Variants in SLC9A9 observed in about 807,000 individuals in gnomAD.
The protein encoded by SLC9A9 is solute carrier family 9 member A9.
In SLC9A9, 62 loss-of-function variants were observed where a neutral mutation model predicts 77.8. The ratio of observed to expected loss-of-function variants is 0.80; its 90% confidence interval spans 0.65 to 0.98. The LOEUF is 0.98. Ranked by LOEUF, SLC9A9 falls within the 50% of genes least tolerant of loss-of-function variation. The probability of loss-of-function intolerance (pLI) is 0.00; values close to 1 mark genes in which losing one functional copy is unlikely to be tolerated. For synonymous variants in SLC9A9, 320 were observed against 283.5 expected (o/e 1.13, Z -1.29); for missense variants, 775 against 774.9 (o/e 1.00, Z 0.00).
intron 8 of SLC9A9, among the ~76,000 whole-genome samples, chr3:143,564,987 T>C (rs1015883808): frequency 1.3e-5 from 2 of 152,160 alleles, no homozygotes; most frequent in African/African-American, 4.8e-5. Context: ...TTGGTGTTCA[T>C]TAGGCTTACC....
At chr3:143,352,711 A>T (rs2032493160) in intron 14 of SLC9A9, among the ~76,000 whole-genome samples, 1 of 152,224 alleles carries the variant, frequency 6.6e-6, no homozygotes, top group South Asian at 2.1e-4. Context: ...TAACTCATTT[A>T]TATTGGGAAC....
intron 5 of SLC9A9, among the ~76,000 whole-genome samples, chr3:143,653,789 A>G (rs897890312): frequency 2.8e-4 from 43 of 152,094 alleles, no homozygotes; most frequent in African/African-American, 1.0e-3. Context: ...CATGCTCCCA[A>G]ACTCTTACAT....
At chr3:143,293,730 C>T (rs895597517) in intron 14 of SLC9A9, among the ~76,000 whole-genome samples, 1 of 152,112 alleles carries the variant, frequency 6.6e-6, no homozygotes. Flanking sequence ...TCTTGAATAA[C>T]GTGACACTCA....
chr3:143,299,483 G>A (rs1236200918), intron 14 of SLC9A9, among the ~76,000 whole-genome samples: 3 of 151,004 alleles, frequency 2.0e-5, no homozygotes, highest in African/African-American at 4.9e-5. Context: ...TTGCTCTGTC[G>A]CCCAGGTTGG....
intron 11 of SLC9A9, among the ~76,000 whole-genome samples, chr3:143,479,521 GGGATTATA>G (rs2035539086): frequency 6.6e-6 from 1 of 152,174 alleles, no homozygotes. Flanking sequence ...CTGAAGTGCT[GGGATTATA>G]GGTGTGAGCC....
In SLC9A9 at chr3:143,574,071, C is replaced by T; in HGVS notation, c.1000+17G>A. 13 of 1,603,534 alleles carry T rather than the reference C, an allele frequency of 8.1e-6. No individual in the cohort carries two copies. Among genetic ancestry groups the T allele is most frequent in the Non-Finnish European group, 1.1e-5 (13 of 1,171,046 alleles). On this transcript the variant is annotated intron_variant, in intron 8 of 15. Coordinates refer to ENST00000316549, the MANE Select transcript of SLC9A9 (RefSeq NM_173653.4). ...ATATTCACACATCCAGTTGGCTGTG[C>T]AGCATGAAGCACTGACCTGTTAGGC... is the stretch of plus-strand genomic sequence containing the variant.
chr3:143,658,191 C>T (rs114455487), intron 5 of SLC9A9, among the ~76,000 whole-genome samples: 15 of 152,316 alleles, frequency 9.8e-5, no homozygotes, highest in Non-Finnish European at 1.6e-4. Flanking sequence ...TTGATAGATA[C>T]ACCTCACATA....
chr3:143,405,940 T>C (rs966602674), intron 12 of SLC9A9, among the ~76,000 whole-genome samples: 2 of 152,250 alleles, frequency 1.3e-5, no homozygotes, highest in Non-Finnish European at 2.9e-5. Context: ...TTAAACGTTT[T>C]ATTTTATAAT....
At chr3:143,361,119 C>T (rs942727825) in intron 14 of SLC9A9, among the ~76,000 whole-genome samples, 2 of 152,242 alleles carry the variant, frequency 1.3e-5, no homozygotes, top group South Asian at 4.1e-4. Context: ...AAACCAATTC[C>T]TTGAAATAAA....
At chr3:143,531,781 A>T (rs2036513652) in intron 9 of SLC9A9, among the ~76,000 whole-genome samples, 1 of 152,230 alleles carries the variant, frequency 6.6e-6, no homozygotes, top group Non-Finnish European at 1.5e-5. Flanking sequence ...AGTAAACAGA[A>T]ATAAACTTAC....
At chr3:143,794,925 C>A (rs1303756271) in intron 4 of SLC9A9, 76 bp downstream of exon 4, 45 of 1,310,656 alleles carry the variant, frequency 3.4e-5, no homozygotes, top group Non-Finnish European at 4.9e-5. Flanking sequence ...CAGCAAGAAT[C>A]CTGGAAGTGT....
intron 9 of SLC9A9, among the ~76,000 whole-genome samples, chr3:143,544,452 C>T (rs930277610): frequency 6.6e-6 from 1 of 152,100 alleles, no homozygotes; most frequent in Non-Finnish European, 1.5e-5. Flanking sequence ...TGGTCTCGAT[C>T]TCCTGACCTC....
intron 15 of SLC9A9, among the ~76,000 whole-genome samples, chr3:143,268,471 T>C (rs533438688): frequency 5.9e-5 from 9 of 152,256 alleles, no homozygotes; most frequent in Admixed American, 5.9e-4. Flanking sequence ...CGGTGGCTCA[T>C]GCCTGTAATC....
chr3:143,816,174 C>G (rs1353533976), intron 2 of SLC9A9, among the ~76,000 whole-genome samples: 2 of 152,100 alleles, frequency 1.3e-5, no homozygotes, highest in Non-Finnish European at 2.9e-5. Flanking sequence ...TATGTGTAGT[C>G]GTAAACCATA....
intron 4 of SLC9A9, among the ~76,000 whole-genome samples, chr3:143,713,633 T>C (rs1934255222): frequency 6.6e-6 from 1 of 152,172 alleles, no homozygotes; most frequent in Admixed American, 6.5e-5. Flanking sequence ...TCCTTAAGTA[T>C]TCTGTGAAAG....
chr3:143,373,053 C>T (rs2033092426), intron 13 of SLC9A9, among the ~76,000 whole-genome samples: 1 of 144,204 alleles, frequency 6.9e-6, no homozygotes, highest in Non-Finnish European at 1.5e-5. Flanking sequence ...ATGGAGATTT[C>T]TTAAAGAACC....
At chr3:143,772,649 C>A (rs1342353566) in intron 4 of SLC9A9, among the ~76,000 whole-genome samples, 1 of 152,186 alleles carries the variant, frequency 6.6e-6, no homozygotes, top group Non-Finnish European at 1.5e-5. Flanking sequence ...CCGCAGATGC[C>A]TTTTCACCTT....
intron 9 of SLC9A9, among the ~76,000 whole-genome samples, chr3:143,498,183 C>T (rs1359394126): frequency 6.6e-6 from 1 of 152,130 alleles, no homozygotes; most frequent in Non-Finnish European, 1.5e-5. Context: ...CATTAAGGTC[C>T]GTTTTTGAAC....
At chr3:143,289,613 C>T (rs1938480588) in intron 14 of SLC9A9, among the ~76,000 whole-genome samples, 1 of 152,154 alleles carries the variant, frequency 6.6e-6, no homozygotes, top group South Asian at 2.1e-4. Flanking sequence ...ACAGTCAATC[C>T]ATCCATCAAT....
Sources: gnomAD v4.1 joint callset for allele counts (sites outside exome capture counted in the v4.1 genomes callset) on GRCh38, gnomAD v4.1.1 for gene constraint, MANE v1.5 for transcripts, NCBI Gene and HGNC (gene_info 2026-07-23, HGNC 2026-07-21) for gene names.